The following HIBCH variants were observed in gnomAD, a reference collection of about 807,000 sequenced individuals.
HIBCH encodes 3-hydroxyisobutyryl-CoA hydrolase, mitochondrial.
Under a neutral mutation model 58.2 loss-of-function variants are expected in HIBCH, and 50 were observed. The observed-to-expected ratio is 0.86, with a 90% confidence interval of 0.68 to 1.09. The LOEUF is 1.09. Among genes scored for constraint, HIBCH ranks in the 50% least tolerant of loss-of-function variants. HIBCH has a pLI of 0.00. For synonymous variants in HIBCH, 151 were observed against 146.9 expected, an observed-to-expected ratio of 1.03 and a Z score of -0.20; for missense variants, 450 against 449.7, an observed-to-expected ratio of 1.00 and a Z score of -0.01.
intron 6 of HIBCH, among the ~76,000 whole-genome samples, chr2:190,262,307 C>A (rs1163865343): frequency 1.3e-5 from 2 of 152,172 alleles, no homozygotes; most frequent in African/African-American, 4.8e-5. Flanking sequence ...CAAGCCCACA[C>A]CTGCAGTCCA....
At chr2:190,312,882 T>C (rs1421998961) in intron 1 of HIBCH, among the ~76,000 whole-genome samples, 1 of 152,164 alleles carries the variant, frequency 6.6e-6, no homozygotes, top group African/African-American at 2.4e-5. Context: ...GCGGATCACC[T>C]GAGGTCAGGA....
rs922653642 is a variant in HIBCH, at chr2:190,304,048, A to C, written c.78+6706T>G. 2.6e-4 allele frequency among the ~76,000 whole-genome samples: 39 copies of C among 152,188 alleles called. No homozygotes were observed. Among genetic ancestry groups the C allele is most frequent in the African/African-American group, 9.4e-4 (39 of 41,452 alleles). On this transcript the variant is annotated intron_variant, in intron 2 of 13. Coordinates refer to ENST00000359678, the MANE Select transcript of HIBCH (RefSeq NM_014362.4). The surrounding 1 kb of genome is among the most constrained non-coding windows in gnomAD (Gnocchi z 4.1). ...ATTGTCAAGGGCATGAAAAATATGGAAAGATAAGTTGAGAAACTATCACAG... is the reference window on the plus strand; with the variant it reads ...ATTGTCAAGGGCATGAAAAATATGGCAAGATAAGTTGAGAAACTATCACAG...
Position 190,313,662 on chromosome 2 carries a change from AAAG to A in HIBCH, c.36-2869_36-2867del, listed in dbSNP as rs1408060372. 2.4e-4 allele frequency among the ~76,000 whole-genome samples: 35 copies of A among 147,212 alleles called. 2 individuals are homozygous for A. Among genetic ancestry groups the A allele is most frequent in the African/African-American group, 9.0e-4 (35 of 38,958 alleles). Reference sequence around the variant, plus strand: ...GTCTCACAAAAAAAAAAAAAAAAAAAAAGGAATCACCTGGAGACTGCTAAAAAT... The same window carrying A: ...GTCTCACAAAAAAAAAAAAAAAAAAAGAATCACCTGGAGACTGCTAAAAAT... On this transcript the variant is annotated intron_variant, in intron 1 of 13. Transcript: ENST00000359678.
rs116360516 is a variant in HIBCH, at chr2:190,318,909, C to T, written c.35+807G>A. Among the ~76,000 whole-genome samples the T allele has an allele frequency of 1.4e-3, 217 of 152,282 alleles. 1 individual carries two copies. Among genetic ancestry groups the T allele is most frequent in the African/African-American group, 5.1e-3 (211 of 41,546 alleles). The stretch of plus-strand genomic sequence containing the variant: ...CAGTGTTAGACATCTAGACACTTTC[C>T]CCTGAAACTATTCTTCTTAAGTCAA... On this transcript the variant is annotated intron_variant, in intron 1 of 13. Coordinates refer to ENST00000359678, the MANE Select transcript of HIBCH (RefSeq NM_014362.4).
rs755166207 is a variant in HIBCH, at chr2:190,244,928, A to G, written c.850T>C (p.Leu284=). ...ANTVEEIIEN[L]QQDGSSFALE... is the part of the protein sequence containing the mutation. The stretch of plus-strand genomic sequence containing the variant: ...GCAAAAGATGAACCATCTTGCTGTA[A>G]GTTTTCAATAATTTCTTCCACAGTA... The change falls in exon 11 of 14, where the codon TTA becomes CTA. Residue 284 remains leucine, a synonymous_variant. Coordinates refer to ENST00000359678, the MANE Select transcript of HIBCH (RefSeq NM_014362.4). The G allele has an allele frequency of 1.9e-6, 3 of 1,611,690 alleles. No individual in the cohort carries two copies. In the East Asian group the frequency reaches 6.7e-5, roughly 36 times the overall value.
chr2:190,263,547 G>C (rs1256161539), intron 6 of HIBCH, among the ~76,000 whole-genome samples: 1 of 152,146 alleles, frequency 6.6e-6, no homozygotes, highest in Non-Finnish European at 1.5e-5. Context: ...TTCCCTAGGA[G>C]ATCTCTTCCA....
At chr2:190,226,775 T>C (rs188615621) in intron 11 of HIBCH, among the ~76,000 whole-genome samples, 53 of 152,258 alleles carry the variant, frequency 3.5e-4, no homozygotes, top group African/African-American at 1.2e-3. Context: ...CGCATTCCTA[T>C]ACACCATTAA....
intron 9 of HIBCH, among the ~76,000 whole-genome samples, chr2:190,247,004 T>TC (rs1366908445): frequency 7.0e-6 from 1 of 143,884 alleles, no homozygotes; most frequent in Non-Finnish European, 1.5e-5. Flanking sequence ...AAATAAGACT[T>TC]TTTTTTTTTT....
At chr2:190,282,443 T>C (rs1687726244) in intron 6 of HIBCH, among the ~76,000 whole-genome samples, 1 of 152,108 alleles carries the variant, frequency 6.6e-6, no homozygotes, top group Non-Finnish European at 1.5e-5. Flanking sequence ...GCCCAAAACA[T>C]AGGAAGCAAC....
chr2:190,237,959 T>TG (rs1686330720), intron 11 of HIBCH, among the ~76,000 whole-genome samples: 1 of 152,142 alleles, frequency 6.6e-6, no homozygotes, highest in African/African-American at 2.4e-5. Context: ...CCGAGAATGA[T>TG]GGTTTCCAGC....
At chr2:190,256,072 A>G (rs932552000) in intron 7 of HIBCH, among the ~76,000 whole-genome samples, 5 of 152,088 alleles carry the variant, frequency 3.3e-5, no homozygotes, top group African/African-American at 1.2e-4. Context: ...CCCTTATAAA[A>G]CCATCAGCTC....
intron 6 of HIBCH, among the ~76,000 whole-genome samples, chr2:190,273,255 T>C (rs960192890): frequency 2.0e-5 from 3 of 152,032 alleles, no homozygotes; most frequent in Non-Finnish European, 2.9e-5. Context: ...TAGCCAGGTG[T>C]GGTGGCACGC....
At chr2:190,222,715 A>T (rs910096452) in intron 11 of HIBCH, among the ~76,000 whole-genome samples, 2 of 152,240 alleles carry the variant, frequency 1.3e-5, no homozygotes, top group Non-Finnish European at 2.9e-5. Flanking sequence ...CAGTGTGGTG[A>T]TTCTTCAAGG....
rs147010890 is a variant in HIBCH at position 190,311,138 on chromosome 2, G to A, written c.36-342C>T. Reference sequence around the variant, plus strand: ...TATTATGCCACAAAAAAAATTGGACGAAACTTAAATGCATACATACTACTA... The same window carrying A: ...TATTATGCCACAAAAAAAATTGGACAAAACTTAAATGCATACATACTACTA... On this transcript the variant is annotated intron_variant, in intron 1 of 13. Transcript: ENST00000359678. 3.3e-3 allele frequency: 1,437 copies of A among 435,296 alleles called. 23 individuals carry two copies. Among genetic ancestry groups the A allele is most frequent in the African/African-American group, 0.027 (1,314 of 49,180 alleles). 27.0% of individuals were successfully genotyped at this position (435,296 alleles called of 1,614,324 possible).
At chr2:190,247,466 T>C (rs1158170520) in intron 9 of HIBCH, among the ~76,000 whole-genome samples, 1 of 152,214 alleles carries the variant, frequency 6.6e-6, no homozygotes, top group African/African-American at 2.4e-5. Context: ...AAGTACTTGG[T>C]GGCCCTGCCA....
chr2:190,294,466 A>C (rs1688052184), intron 4 of HIBCH, 80 bp downstream of exon 4: 2 of 950,586 alleles, frequency 2.1e-6, no homozygotes, highest in Admixed American at 3.8e-5. Context: ...GCAAATTATA[A>C]ATTATTACAA....
At chr2:190,225,857 T>A (rs1274710092) in intron 11 of HIBCH, among the ~76,000 whole-genome samples, 1 of 152,166 alleles carries the variant, frequency 6.6e-6, no homozygotes, top group Non-Finnish European at 1.5e-5. Context: ...TGAACATTGA[T>A]GCAAAAATCC....
chr2:190,250,970 C>G (rs1686747583), intron 8 of HIBCH, among the ~76,000 whole-genome samples: 1 of 152,256 alleles, frequency 6.6e-6, no homozygotes, highest in South Asian at 2.1e-4. Flanking sequence ...TGTAAAAAGT[C>G]CTTGGGGGAC....
intron 1 of HIBCH, among the ~76,000 whole-genome samples, chr2:190,196,387 T>C (rs1375344604): frequency 6.6e-6 from 1 of 152,148 alleles, no homozygotes. Flanking sequence ...AGTTACTGAT[T>C]TTCCATTTTT....
Sources: allele counts gnomAD v4.1 joint callset (sites outside exome capture counted in the v4.1 genomes callset), GRCh38; gene constraint gnomAD v4.1.1; non-coding constraint Gnocchi (gnomAD v3.1); transcripts MANE v1.5; gene names NCBI Gene and HGNC (gene_info 2026-07-23, HGNC 2026-07-21).